Variants in FRRS1L observed in about 807,000 individuals in gnomAD.
FRRS1L encodes the protein ferric chelate reductase 1 like, also known as DOMON domain-containing protein FRRS1L.
Under a neutral mutation model 28.6 loss-of-function variants are expected in FRRS1L, and 22 were observed. The observed-to-expected ratio is 0.77, with a 90% CI of 0.55 to 1.10. The LOEUF is 1.10. Among genes scored for constraint, FRRS1L ranks in the 50% least tolerant of loss-of-function variants. FRRS1L has a pLI of 0.00. For synonymous variants in FRRS1L, 158 were observed against 151.4 expected (o/e 1.04, Z -0.32); for missense variants, 380 against 386.9 (o/e 0.98, Z 0.15).
At chr9:109,158,914 C>A (rs1588103622) in intron 1 of FRRS1L, among the ~76,000 whole-genome samples, 1 of 152,218 alleles carries the variant, frequency 6.6e-6, no homozygotes, top group Non-Finnish European at 1.5e-5. Context: ...AGTAGCTGCA[C>A]CATTTCACAT....
At chr9:109,141,043 G>T (rs1433870675) in intron 4 of FRRS1L, 2 of 398,614 alleles carry the variant, frequency 5.0e-6, no homozygotes, top group Non-Finnish European at 9.2e-6. Context: ...TGTGAGAATT[G>T]AACAGAGCCC....
chr9:109,141,448 C>A lies in FRRS1L; in HGVS notation c.604G>T (p.Val202Phe). 1 of 1,614,116 alleles carries A rather than the reference C, an allele frequency of 6.2e-7. No homozygotes were observed. Among genetic ancestry groups the A allele is most frequent in the Non-Finnish European group, 8.5e-7 (1 of 1,179,992 alleles). ...DEEGVFENNR[V>F]TCRFKRPVNV... ...ACAGGGCGTTTAAATCTGCAGGTGA[C>A]GCGATTGTTCTCAAAAACTCCTTCT... is the stretch of plus-strand genomic sequence containing the variant. Residue 202 changes from valine (V) to phenylalanine (F), a missense_variant, in exon 4 of 5, where the codon GTC becomes TTC. Coordinates refer to ENST00000561981, the MANE Select transcript of FRRS1L (RefSeq NM_014334.4).
Position 109,130,418 on chromosome 9 carries a change from T to C in FRRS1L, c.*7037A>G, listed in dbSNP as rs1322479783. 6.6e-6 allele frequency: 1 copy of C among 152,248 alleles called. No individual in the cohort carries two copies. Among genetic ancestry groups the C allele is most frequent in the Non-Finnish European group, 1.5e-5 (1 of 68,042 alleles). The allele number at this position is 152,248 out of a possible 1,614,324, so 9.4% of individuals were successfully genotyped here. On this transcript the variant is annotated 3_prime_UTR_variant, in exon 5 of 5. Transcript: ENST00000561981. ...TAACATAATCATCCAAAGATAAAAG[T>C]ATTTGTGATGGCAAATGGACAGAAC... is the stretch of plus-strand genomic sequence containing the variant.
Position 109,136,200 on chromosome 9 carries a change from T to C in FRRS1L, c.*1255A>G, listed in dbSNP as rs996355398. 6.8e-6 allele frequency: 1 copy of C among 147,882 alleles called. No individual in the cohort carries two copies. Among genetic ancestry groups the C allele is most frequent in the Non-Finnish European group, 1.5e-5 (1 of 67,296 alleles). 9.2% of individuals were successfully genotyped at this position (147,882 alleles called of 1,614,324 possible). ...TGAAGCTGAGATCACACCATTGTAC[T>C]CCAGCCTGGGCGACAAGAGGGAAAA... On this transcript the variant is annotated 3_prime_UTR_variant, in exon 5 of 5. Transcript: ENST00000561981.
intron 4 of FRRS1L, chr9:109,138,491 T>A (rs55826015): frequency 0.15 from 22,937 of 152,162 alleles, 1,982 homozygotes; most frequent in African/African-American, 0.18. Context: ...AGGTCCTATC[T>A]GCTAGGGAAG....
Position 109,133,722 on chromosome 9 carries a change from A to G in FRRS1L, c.*3733T>C, listed in dbSNP as rs1831082329. The G allele has an allele frequency of 6.6e-6, 1 of 152,248 alleles. No individual in the cohort carries two copies. The highest frequency in any genetic ancestry group is 1.5e-5 in the Non-Finnish European group (1 of 68,042). 9.4% of individuals were successfully genotyped at this position (152,248 alleles called of 1,614,324 possible). A position where few individuals can be genotyped will look rare whatever the true frequency, so the allele number is the denominator to read the frequency against. ...AGGATTAAATGAGTTAATTCATGTA[A>G]AGTGCTTAGAACAGCACTAAATATA... On this transcript the variant is annotated 3_prime_UTR_variant, in exon 5 of 5. Coordinates refer to ENST00000561981, the MANE Select transcript of FRRS1L (RefSeq NM_014334.4).
At chr9:109,163,072 T>A (rs992127159) in intron 1 of FRRS1L, among the ~76,000 whole-genome samples, 1 of 152,250 alleles carries the variant, frequency 6.6e-6, no homozygotes, top group South Asian at 2.1e-4. Context: ...CCTGGCCATC[T>A]TAGCAGCAGG....
chr9:109,141,030 T>C (rs1831178321), intron 4 of FRRS1L: 1 of 355,422 alleles, frequency 2.8e-6, no homozygotes, highest in Non-Finnish European at 5.2e-6. Context: ...TAAATAAGAA[T>C]GCTGTGAGAA....
In FRRS1L at chr9:109,130,444, A is replaced by G. The variant is rs919195963; in HGVS notation, c.*7011T>C. On this transcript the variant is annotated 3_prime_UTR_variant, in exon 5 of 5. Coordinates refer to ENST00000561981, the MANE Select transcript of FRRS1L (RefSeq NM_014334.4). ...ATTTGTGATGGCAAATGGACAGAAC[A>G]ATCATTTAGGTAGCATCTAGGAATA... is the stretch of plus-strand genomic sequence containing the variant. 1.3e-5 allele frequency: 2 copies of G among 152,256 alleles called. No homozygotes were observed. Among genetic ancestry groups the G allele is most frequent in the African/African-American group, 2.4e-5 (1 of 41,472 alleles). 9.4% of individuals were successfully genotyped at this position (152,256 alleles called of 1,614,324 possible).
intron 1 of FRRS1L, among the ~76,000 whole-genome samples, chr9:109,153,809 AT>A (rs564284758): frequency 6.1e-4 from 93 of 152,198 alleles, no homozygotes; most frequent in African/African-American, 2.0e-3. Flanking sequence ...GCAGAATTAG[AT>A]TTTTTTCCTG....
intron 1 of FRRS1L, among the ~76,000 whole-genome samples, chr9:109,154,027 C>G (rs1831372376): frequency 2.0e-5 from 3 of 151,906 alleles, no homozygotes; most frequent in African/African-American, 7.3e-5. Flanking sequence ...TGTGTGATTG[C>G]TGTTCCAATA....
intron 3 of FRRS1L, among the ~76,000 whole-genome samples, chr9:109,142,385 G>C (rs1286275339): frequency 2.0e-5 from 3 of 152,296 alleles, no homozygotes; most frequent in East Asian, 3.9e-4. Context: ...TCTGGAACTA[G>C]GGAGTAGTGA....
At chr9:109,139,552 A>G (rs1459853367) in intron 4 of FRRS1L, 1 of 152,216 alleles carries the variant, frequency 6.6e-6, no homozygotes, top group East Asian at 1.9e-4. Context: ...AAATTAAATA[A>G]TAGGCTAAAT....
intron 1 of FRRS1L, among the ~76,000 whole-genome samples, chr9:109,161,595 C>G (rs931473991): frequency 5.3e-5 from 8 of 152,068 alleles, no homozygotes; most frequent in Admixed American, 2.0e-4. Context: ...TTTGTGGTTT[C>G]CATTCTTGTC....
At chr9:109,160,420 ATTTAT>A (rs2118509339) in intron 1 of FRRS1L, among the ~76,000 whole-genome samples, 2 of 131,720 alleles carry the variant, frequency 1.5e-5, no homozygotes, top group East Asian at 4.5e-4. Context: ...CCTTTTATTT[ATTTAT>A]TTTGAGACAG....
Position 109,167,206 on chromosome 9 carries a change from A to G in FRRS1L, c.-68T>C, listed in dbSNP as rs1298929751. 7.7e-7 allele frequency: 1 copy of G among 1,291,518 alleles called. No individual in the cohort carries two copies. 80.0% of individuals were successfully genotyped at this position (1,291,518 alleles called of 1,614,324 possible). ...GGGGGCGCCGCGGGCGCGGGCCGGG[A>G]CTGAGCCTCCGCCGAGGCCACCAGC... On this transcript the variant is annotated 5_prime_UTR_variant, in exon 1 of 5. Coordinates refer to ENST00000561981, the MANE Select transcript of FRRS1L (RefSeq NM_014334.4).
chr9:109,159,644 C>T (rs552315253), intron 1 of FRRS1L, among the ~76,000 whole-genome samples: 194 of 152,192 alleles, frequency 1.3e-3, no homozygotes, highest in African/African-American at 4.3e-3. Context: ...GGTGACAGAG[C>T]GAGACTCTGT....
intron 1 of FRRS1L, among the ~76,000 whole-genome samples, chr9:109,161,896 G>A (rs1831484731): frequency 6.6e-6 from 1 of 152,140 alleles, no homozygotes; most frequent in Non-Finnish European, 1.5e-5. Context: ...GGTTTTATAA[G>A]GTGTAAAGTT....
chr9:109,166,982 C>T lies in FRRS1L; in HGVS notation c.157G>A (p.Asp53Asn). ...GAGTCGTGGCGCGGCACCGCCTCGT[C>T]GGCGCCCGTGTCCCCCCGCGCGCGT... ...RGRARGDTGADEAVPRHDSSY... is the reference protein window; with the variant it reads ...RGRARGDTGANEAVPRHDSSY... The change falls in exon 1 of 5, where the codon GAC becomes AAC. Residue 53 changes from aspartate (D) to asparagine (N), a missense_variant. Asp to Asn is a conservative substitution (Grantham distance 23). Transcript: ENST00000561981. 2 of 1,299,556 alleles carry T rather than the reference C, an allele frequency of 1.5e-6. No homozygotes were observed. Among genetic ancestry groups the T allele is most frequent in the South Asian group, 2.5e-5 (1 of 40,672 alleles). The allele number at this position is 1,299,556 out of a possible 1,614,324, so 80.5% of individuals were successfully genotyped here.
Sources: allele counts gnomAD v4.1 joint callset (sites outside exome capture counted in the v4.1 genomes callset), GRCh38; gene constraint gnomAD v4.1.1; transcripts MANE v1.5; gene names NCBI Gene and HGNC (gene_info 2026-07-23, HGNC 2026-07-21).